The following PTPRD variants were observed in gnomAD, a reference collection of about 807,000 sequenced individuals.
PTPRD encodes the protein receptor-type tyrosine-protein phosphatase delta.
A neutral mutation model predicts 214.5 loss-of-function variants in PTPRD; 34 were observed. That is an observed-to-expected ratio of 0.16 (90% CI 0.12 to 0.21). The LOEUF (loss-of-function observed/expected upper bound fraction) is 0.21, where lower values mean the gene tolerates loss of function less well. PTPRD is among the 10% of genes least tolerant of loss of function. PTPRD has a pLI of 1.00. For missense variants in PTPRD, 2,545 were observed against 2,398.7 expected (o/e 1.06, Z -1.27); for synonymous variants, 1,128 against 845.7 (o/e 1.33, Z -5.79).
intron 14 of PTPRD, among the ~76,000 whole-genome samples, chr9:8,605,428 T>C (rs1321673102): frequency 6.6e-6 from 1 of 152,136 alleles, no homozygotes; most frequent in Non-Finnish European, 1.5e-5. Context: ...AAAACCATTT[T>C]TGAGATGACC....
chr9:9,078,253 A>G (rs2099753972), intron 10 of PTPRD, among the ~76,000 whole-genome samples: 1 of 152,154 alleles, frequency 6.6e-6, no homozygotes, highest in South Asian at 2.1e-4. Context: ...ATTGAATTTG[A>G]AAACAGTTTG....
chr9:10,507,521 A>G lies in PTPRD; in HGVS notation c.-600+104877T>C, dbSNP rs551198534. Reference sequence around the variant, plus strand: ...TCCTAAGCCAAAAGAACAAAGCTGGAGGAATCACGCTACCTGACTTCAAAC... The same window carrying G: ...TCCTAAGCCAAAAGAACAAAGCTGGGGGAATCACGCTACCTGACTTCAAAC... On this transcript the variant is annotated intron_variant, in intron 2 of 45. Coordinates refer to ENST00000381196, the MANE Select transcript of PTPRD (RefSeq NM_002839.4). 9.2e-5 allele frequency among the ~76,000 whole-genome samples: 14 copies of G among 152,286 alleles called. 1 individual carries two copies. The South Asian group carries it at 2.9e-3, about 32-fold the overall frequency.
At chr9:9,653,596 T>C (rs1327213626) in intron 7 of PTPRD, among the ~76,000 whole-genome samples, 1 of 152,142 alleles carries the variant, frequency 6.6e-6, no homozygotes, top group Non-Finnish European at 1.5e-5. Context: ...TACCTGTTTT[T>C]GTGGTTAGAA....
chr9:8,351,552 G>A (rs2075456147), intron 39 of PTPRD, among the ~76,000 whole-genome samples: 1 of 151,760 alleles, frequency 6.6e-6, no homozygotes, highest in African/African-American at 2.4e-5. Flanking sequence ...AGAAAAGATG[G>A]AACCTAATTA....
intron 39 of PTPRD, among the ~76,000 whole-genome samples, chr9:8,368,061 C>G (rs2080434461): frequency 2.6e-5 from 4 of 152,102 alleles, no homozygotes; most frequent in Admixed American, 2.0e-4. Context: ...ACAATGCTGG[C>G]CCCTAAGAGC....
At chr9:8,590,027 G>A (rs79912688) in intron 14 of PTPRD, among the ~76,000 whole-genome samples, 11 of 152,014 alleles carry the variant, frequency 7.2e-5, no homozygotes, top group South Asian at 2.1e-4. Flanking sequence ...TATGAACGTC[G>A]GTTTTTGCAA....
chr9:9,946,057 G>GTCGGGAAAGTCACCCTTCCCTTTCCCAC (rs1555374497), intron 4 of PTPRD, among the ~76,000 whole-genome samples: 15 of 151,118 alleles, frequency 9.9e-5, no homozygotes, highest in African/African-American at 3.7e-4. Flanking sequence ...TCCTTTCCCA[G>GTCGGGAAAGTCACCCTTCCCTTTCCCAC]TTGGGAAAGT....
intron 3 of PTPRD, among the ~76,000 whole-genome samples, chr9:10,274,295 G>C (rs2094565176): frequency 6.6e-6 from 1 of 152,092 alleles, no homozygotes; most frequent in Admixed American, 6.5e-5. Flanking sequence ...TGACTTGCTA[G>C]GAATTCCTTC....
intron 33 of PTPRD, among the ~76,000 whole-genome samples, chr9:8,453,610 A>G (rs1416147877): frequency 6.6e-6 from 1 of 152,264 alleles, no homozygotes; most frequent in Admixed American, 6.5e-5. Flanking sequence ...AGAGGTTTAA[A>G]GATTCTTATC....
At chr9:8,956,352 C>A (rs926536835) in intron 11 of PTPRD, among the ~76,000 whole-genome samples, 2 of 151,922 alleles carry the variant, frequency 1.3e-5, no homozygotes, top group African/African-American at 4.8e-5. Flanking sequence ...TGGACTAATA[C>A]TTAACATTAT....
At chr9:9,929,724 G>T (rs2085697877) in intron 5 of PTPRD, among the ~76,000 whole-genome samples, 1 of 152,198 alleles carries the variant, frequency 6.6e-6, no homozygotes, top group Admixed American at 6.5e-5. Context: ...TTCTGAAAGA[G>T]ACAGGGCCTG....
intron 8 of PTPRD, among the ~76,000 whole-genome samples, chr9:9,495,969 CG>C (rs2154215595): frequency 6.6e-6 from 1 of 152,254 alleles, no homozygotes; most frequent in South Asian, 2.1e-4. Flanking sequence ...CCTCAGGCCC[CG>C]CATGAAGCTT....
chr9:9,178,779 T>G (rs991687654), intron 10 of PTPRD, among the ~76,000 whole-genome samples: 20 of 152,136 alleles, frequency 1.3e-4, no homozygotes, highest in African/African-American at 4.8e-4. Flanking sequence ...GGTTTTTTAC[T>G]ACCCTTGAAT....
intron 9 of PTPRD, among the ~76,000 whole-genome samples, chr9:9,245,591 G>T (rs2099972669): frequency 6.6e-6 from 1 of 151,972 alleles, no homozygotes; most frequent in African/African-American, 2.4e-5. Context: ...GACACAGGAA[G>T]GGGAACATCA....
intron 3 of PTPRD, among the ~76,000 whole-genome samples, chr9:10,289,680 C>T (rs999393728): frequency 6.6e-6 from 1 of 152,262 alleles, no homozygotes; most frequent in Admixed American, 6.5e-5. Context: ...CACTCTAGGA[C>T]ATTGTAAACA....
At chr9:9,266,862 CTTT>C (rs895282578) in intron 9 of PTPRD, among the ~76,000 whole-genome samples, 1 of 150,542 alleles carries the variant, frequency 6.6e-6, no homozygotes, top group African/African-American at 2.4e-5. Flanking sequence ...AAAAAAAAAT[CTTT>C]AATAAGCAAC....
chr9:9,466,649 T>C (rs1361992093), intron 8 of PTPRD, among the ~76,000 whole-genome samples: 1 of 152,184 alleles, frequency 6.6e-6, no homozygotes. Context: ...TTAGGGATAT[T>C]CTGTATGGAT....
Position 9,294,460 on chromosome 9 carries a change from T to C in PTPRD, c.-203+102989A>G, listed in dbSNP as rs551764188. Among the ~76,000 whole-genome samples the C allele has an allele frequency of 4.0e-5, 6 of 151,840 alleles. No individual in the cohort carries two copies. In the South Asian group the frequency reaches 1.0e-3, roughly 26 times the overall value. The stretch of plus-strand genomic sequence containing the variant: ...CCTAAAAATTCACATGTTGAACCTC[T>C]GACACCCTGTAGGGATGTATTTGGA... On this transcript the variant is annotated intron_variant, in intron 9 of 45. Coordinates refer to ENST00000381196, the MANE Select transcript of PTPRD (RefSeq NM_002839.4).
intron 4 of PTPRD, among the ~76,000 whole-genome samples, chr9:9,961,556 C>T (rs1050826847): frequency 6.6e-6 from 1 of 152,064 alleles, no homozygotes; most frequent in South Asian, 2.1e-4. Context: ...AATTGGTGTG[C>T]TTCATTTTGG....
Sources: gnomAD v4.1 joint callset for allele counts (sites outside exome capture counted in the v4.1 genomes callset) on GRCh38, gnomAD v4.1.1 for gene constraint, MANE v1.5 for transcripts, NCBI Gene and HGNC (gene_info 2026-07-23, HGNC 2026-07-21) for gene names.